Variants in EEA1 observed in about 807,000 individuals in gnomAD.
EEA1 encodes early endosome antigen 1, 162kD.
Under a neutral mutation model 209.2 loss-of-function variants are expected in EEA1, and 111 were observed. The ratio of observed to expected loss-of-function variants is 0.53; its 90% confidence interval spans 0.45 to 0.62. EEA1 has a LOEUF of 0.62. Ranked by LOEUF, EEA1 falls within the 20% of genes least tolerant of loss-of-function variation. EEA1 has a pLI of 0.00. For synonymous variants in EEA1, 536 were observed against 540.6 expected, an observed-to-expected ratio of 0.99 and a Z score of 0.12; for missense variants, 1,343 against 1,530.8, an observed-to-expected ratio of 0.88 and a Z score of 2.05.
intron 10 of EEA1, among the ~76,000 whole-genome samples, chr12:92,835,700 C>T (rs998428323): frequency 3.3e-5 from 5 of 151,866 alleles, no homozygotes; most frequent in African/African-American, 7.3e-5. Flanking sequence ...CATGAGCCAC[C>T]GCGCCCGGCT....
intron 2 of EEA1, among the ~76,000 whole-genome samples, chr12:92,875,912 G>A (rs529071405): frequency 1.3e-5 from 2 of 152,058 alleles, no homozygotes; most frequent in South Asian, 2.1e-4. Context: ...AAATCCACGT[G>A]ACTCATTTCC....
intron 11 of EEA1, among the ~76,000 whole-genome samples, chr12:92,830,717 G>A (rs1481970054): frequency 3.9e-5 from 6 of 152,148 alleles, no homozygotes; most frequent in African/African-American, 1.4e-4. Context: ...CTGAGGAGGT[G>A]AGCCAACAAG....
intron 2 of EEA1, among the ~76,000 whole-genome samples, chr12:92,885,917 A>G (rs1184728632): frequency 2.0e-5 from 3 of 152,224 alleles, no homozygotes; most frequent in Non-Finnish European, 4.4e-5. Context: ...ATAGCCCACA[A>G]AGAGTTTCCA....
chr12:92,829,982 A>T (rs751069422), intron 11 of EEA1, among the ~76,000 whole-genome samples: 1 of 141,354 alleles, frequency 7.1e-6, no homozygotes, highest in African/African-American at 2.6e-5. Flanking sequence ...AAGCAGTGGC[A>T]TGTTTAGAAA....
intron 9 of EEA1, among the ~76,000 whole-genome samples, chr12:92,846,202 AT>A (rs1877382824): frequency 6.6e-6 from 1 of 152,198 alleles, no homozygotes; most frequent in African/African-American, 2.4e-5. Context: ...CCATATAACA[AT>A]TGAAGGTGAC....
intron 21 of EEA1, among the ~76,000 whole-genome samples, chr12:92,792,309 A>G (rs1258876882): frequency 2.0e-5 from 3 of 152,086 alleles, no homozygotes; most frequent in African/African-American, 7.2e-5. Flanking sequence ...CACAAAAAAA[A>G]CCTTTCAAAA....
intron 28 of EEA1, 48 bp downstream of exon 28, chr12:92,776,795 AG>A (rs777725692): frequency 1.3e-6 from 2 of 1,500,614 alleles, no homozygotes; most frequent in Non-Finnish European, 1.9e-6. Flanking sequence ...ATTAATTATC[AG>A]TGACAAATGA....
chr12:92,839,745 T>C (rs1012297849), intron 10 of EEA1, among the ~76,000 whole-genome samples: 1 of 152,220 alleles, frequency 6.6e-6, no homozygotes, highest in Admixed American at 6.5e-5. Context: ...CAAGTGTCCA[T>C]AGATATAACC....
intron 2 of EEA1, among the ~76,000 whole-genome samples, chr12:92,868,955 A>T (rs746512511): frequency 1.3e-5 from 2 of 152,168 alleles, no homozygotes; most frequent in Non-Finnish European, 2.9e-5. Flanking sequence ...AAAAATTCTT[A>T]GCATACTAGC....
intron 11 of EEA1, among the ~76,000 whole-genome samples, chr12:92,830,248 G>C (rs1456721505): frequency 2.0e-5 from 3 of 152,032 alleles, no homozygotes; most frequent in Non-Finnish European, 4.4e-5. Context: ...CAGGGGTTTG[G>C]TGTACAGATT....
At chr12:92,870,466 G>A (rs1454741278) in intron 2 of EEA1, among the ~76,000 whole-genome samples, 2 of 152,100 alleles carry the variant, frequency 1.3e-5, no homozygotes, top group Admixed American at 6.6e-5. Flanking sequence ...TTTGTTACGT[G>A]CAGCCTCAGA....
At chr12:92,824,837 T>A (rs778404448) in intron 13 of EEA1, among the ~76,000 whole-genome samples, 76 of 152,352 alleles carry the variant, frequency 5.0e-4, no homozygotes, top group Non-Finnish European at 7.3e-5. Context: ...AGAGCAGATA[T>A]TTTTGTCTGT....
Position 92,779,144 on chromosome 12 carries a change from T to C in EEA1, c.3625A>G (p.Lys1209Glu). The C allele has an allele frequency of 6.2e-7, 1 of 1,602,924 alleles. No individual in the cohort carries two copies. Among genetic ancestry groups the C allele is most frequent in the Non-Finnish European group, 8.5e-7 (1 of 1,177,540 alleles). ...QVKKEEEELK[K>E]EFIEKEAKLH... is the part of the protein sequence containing the mutation. The stretch of plus-strand genomic sequence containing the variant: ...TTAGCTTCTTTCTCAATAAATTCTT[T>C]CTTCAGCTCCTCTTCTTCCTTTTTC... The change falls in exon 25 of 29, where the codon AAA (lysine) becomes GAA (glutamate). Residue 1209 changes from lysine to glutamate, a missense_variant. Lys to Glu is a moderately conservative substitution (Grantham distance 56, BLOSUM62 1). Coordinates refer to ENST00000322349, the MANE Select transcript of EEA1 (RefSeq NM_003566.4).
chr12:92,852,952 TAA>T lies in EEA1; in HGVS notation c.478_479del (p.Leu160IlefsTer2). The stretch of plus-strand genomic sequence containing the variant: ...CAAGTTGGGCTGCTTTCTGTTCAAA[TAA>T]GTCTTTCATTTGCTTAATATTAAAA... ...ENFNIKQMKDLFEQKAAQLAT... is the reference protein window; with the variant it reads ...ENFNIKQMKDXFEQKAAQLAT... On this transcript the variant is annotated frameshift_variant, in exon 7 of 29. Coordinates refer to ENST00000322349, the MANE Select transcript of EEA1 (RefSeq NM_003566.4). LOFTEE classifies it high-confidence loss of function. 2 of 1,612,602 alleles carry T rather than the reference TAA, an allele frequency of 1.2e-6. No individual in the cohort carries two copies. The highest frequency in any genetic ancestry group is 1.7e-6 in the Non-Finnish European group (2 of 1,179,370).
At chr12:92,910,181 T>C (rs748807036) in intron 1 of EEA1, among the ~76,000 whole-genome samples, 18 of 51,626 alleles carry the variant, frequency 3.5e-4, no homozygotes, top group Non-Finnish European at 6.2e-4. Flanking sequence ...TTTTAAAAAA[T>C]TAACTCAAGG....
chr12:92,821,993 T>C (rs112488430), intron 13 of EEA1, among the ~76,000 whole-genome samples: 3,694 of 150,544 alleles, frequency 0.025, 168 homozygotes, highest in African/African-American at 0.084. Context: ...GACATATATA[T>C]ATATACATAT....
chr12:92,870,156 C>T (rs988844296), intron 2 of EEA1, among the ~76,000 whole-genome samples: 1 of 152,240 alleles, frequency 6.6e-6, no homozygotes, highest in Non-Finnish European at 1.5e-5. Flanking sequence ...TCTCCCTCAC[C>T]TGCCAAAATA....
chr12:92,912,363 C>A (rs141922543), intron 1 of EEA1, among the ~76,000 whole-genome samples: 2 of 152,080 alleles, frequency 1.3e-5, no homozygotes, highest in Non-Finnish European at 2.9e-5. Context: ...TGAGACTTGC[C>A]TTGACTAATG....
intron 2 of EEA1, among the ~76,000 whole-genome samples, chr12:92,872,066 T>TTGG (rs1878677603): frequency 6.6e-6 from 1 of 150,380 alleles, no homozygotes; most frequent in Non-Finnish European, 1.5e-5. Context: ...TTTTTTTTTT[T>TTGG]GAGACGGAGT....
Sources: allele counts gnomAD v4.1 joint callset (sites outside exome capture counted in the v4.1 genomes callset), GRCh38; gene constraint gnomAD v4.1.1; transcripts MANE v1.5; gene names NCBI Gene and HGNC (gene_info 2026-07-23, HGNC 2026-07-21).